IQCK: variants seen among roughly 807,000 people sequenced by gnomAD.
IQCK encodes IQ motif containing K.
Under a neutral mutation model 28.1 loss-of-function variants are expected in IQCK, and 29 were observed. The observed-to-expected ratio is 1.03, with a 90% CI of 0.77 to 1.41. The LOEUF (loss-of-function observed/expected upper bound fraction) is 1.41, where lower values mean the gene tolerates loss of function less well. Among genes scored for constraint, IQCK ranks in the 40% most tolerant of loss-of-function variants. The pLI, the probability that IQCK is intolerant of heterozygous loss-of-function variation, is 0.00. For missense variants in IQCK, 359 were observed against 314.7 expected (o/e 1.14, Z -1.07); for synonymous variants, 113 against 115.1 (o/e 0.98, Z 0.12).
intron 4 of IQCK, among the ~76,000 whole-genome samples, chr16:19,748,631 C>T (rs950651637): frequency 1.3e-5 from 2 of 152,096 alleles, no homozygotes; most frequent in African/African-American, 4.8e-5. Context: ...GTGCTATTCC[C>T]CATGGCCTCT....
At chr16:19,722,987 C>T (rs1977542862) in intron 1 of IQCK, among the ~76,000 whole-genome samples, 1 of 152,216 alleles carries the variant, frequency 6.6e-6, no homozygotes, top group Non-Finnish European at 1.5e-5. Context: ...GCTGGGATTA[C>T]AGGCGTGAGC....
chr16:19,751,877 A>G (rs2054991607), intron 4 of IQCK, among the ~76,000 whole-genome samples: 1 of 152,156 alleles, frequency 6.6e-6, no homozygotes, highest in East Asian at 1.9e-4. Context: ...GACCTTTCTG[A>G]TCTTCCGATT....
chr16:19,745,404 C>T (rs1424356736), intron 4 of IQCK, among the ~76,000 whole-genome samples: 2 of 152,082 alleles, frequency 1.3e-5, no homozygotes, highest in East Asian at 3.9e-4. Flanking sequence ...ATGTTTGGGG[C>T]AGAGTGAGCA....
intron 9 of IQCK, among the ~76,000 whole-genome samples, chr16:19,835,343 T>C (rs1160181682): frequency 6.6e-6 from 1 of 152,158 alleles, no homozygotes; most frequent in Non-Finnish European, 1.5e-5. Context: ...ATATATGCTG[T>C]ACTGTAACTG....
intron 6 of IQCK, among the ~76,000 whole-genome samples, chr16:19,765,221 C>CAA (rs756571642): frequency 6.4e-5 from 4 of 62,926 alleles, no homozygotes; most frequent in East Asian, 1.0e-3. Flanking sequence ...GACTCCATCT[C>CAA]AAAAAAAAAA....
chr16:19,808,302 C>G lies in IQCK; in HGVS notation c.691-18724C>G, dbSNP rs959292528. On this transcript the variant is annotated intron_variant, in intron 7 of 7. Coordinates refer to ENST00000564186, the Ensembl canonical transcript of IQCK. ...TTTCCTTAATATGCCCAGAAAATGT[C>G]TTGCCAACTTGCCAGGCTATCAGCA... 2.0e-5 allele frequency among the ~76,000 whole-genome samples: 3 copies of G among 152,288 alleles called. No individual in the cohort carries two copies. In the East Asian group the frequency reaches 5.8e-4, roughly 29 times the overall value.
chr16:19,730,493 C>G lies in IQCK; in HGVS notation c.245C>G (p.Thr82Arg), dbSNP rs148116811. The change falls in exon 2 of 8, where the codon ACG becomes AGG. Residue 82 changes from threonine to arginine, a missense_variant and splice_region_variant. By Grantham distance (71) the Thr-to-Arg change is moderately conservative (BLOSUM62 -1). Coordinates refer to ENST00000564186, the Ensembl canonical transcript of IQCK. ...AAAGTCAAACAGGAGCCTGTGATTACGGTGAGTATTACCTAGGCCTCAACC... is the reference window on the plus strand; with the variant it reads ...AAAGTCAAACAGGAGCCTGTGATTAGGGTGAGTATTACCTAGGCCTCAACC... The G allele has an allele frequency of 4.4e-5, 71 of 1,604,756 alleles. No homozygotes were observed. Among genetic ancestry groups the G allele is most frequent in the Non-Finnish European group, 5.9e-5 (69 of 1,174,914 alleles).
chr16:19,840,667 C>A (rs2056353963), intron 9 of IQCK, among the ~76,000 whole-genome samples: 1 of 152,266 alleles, frequency 6.6e-6, no homozygotes, highest in South Asian at 2.1e-4. Context: ...GCTATGGTCT[C>A]CATTTTATAG....
At chr16:19,736,288 G>T (rs1425626421) in intron 4 of IQCK, 2 of 411,356 alleles carry the variant, frequency 4.9e-6, no homozygotes, top group Non-Finnish European at 9.7e-6. Flanking sequence ...TTTTGAGACA[G>T]GGTCTTGCTC....
At chr16:19,831,231 A>G (rs753835506), downstream of IQCK, among the ~76,000 whole-genome samples, 2 of 152,240 alleles carry the variant, frequency 1.3e-5, no homozygotes, top group African/African-American at 2.4e-5. Context: ...TCTCAGACCC[A>G]GCTTCTCAGG....
chr16:19,768,434 T>C (rs1597540683), intron 6 of IQCK, among the ~76,000 whole-genome samples: 2 of 152,174 alleles, frequency 1.3e-5, no homozygotes, highest in East Asian at 3.8e-4. Context: ...GCTTTTGGGA[T>C]AGATAAACCA....
At chr16:19,845,379 G>T (rs573138202) in intron 9 of IQCK, among the ~76,000 whole-genome samples, 1 of 152,334 alleles carries the variant, frequency 6.6e-6, no homozygotes, top group African/African-American at 2.4e-5. Context: ...CATTCAGAAT[G>T]CCTGGGATAT....
intron 9 of IQCK, among the ~76,000 whole-genome samples, chr16:19,850,643 C>T (rs193034601): frequency 3.9e-5 from 6 of 152,174 alleles, no homozygotes; most frequent in South Asian, 2.1e-4. Context: ...TCTCGTGGTT[C>T]GTACAATTTC....
intron 6 of IQCK, among the ~76,000 whole-genome samples, chr16:19,785,587 T>C (rs771673878): frequency 7.9e-5 from 12 of 152,198 alleles, no homozygotes; most frequent in Non-Finnish European, 1.0e-4. Context: ...CCACAACCAA[T>C]CAGACTGATT....
intron 7 of IQCK, among the ~76,000 whole-genome samples, chr16:19,792,831 G>A (rs751933125): frequency 8.8e-6 from 1 of 114,272 alleles, no homozygotes; most frequent in East Asian, 2.2e-4. Flanking sequence ...CACCTGCCTC[G>A]GCTTCCCAAA....
At chr16:19,805,014 G>A (rs2055816129) in intron 7 of IQCK, among the ~76,000 whole-genome samples, 1 of 152,144 alleles carries the variant, frequency 6.6e-6, no homozygotes, top group South Asian at 2.1e-4. Context: ...TTTCCAGAGA[G>A]GGGCGTCTCC....
chr16:19,768,833 G>A (rs557180157), intron 6 of IQCK, among the ~76,000 whole-genome samples: 1 of 152,284 alleles, frequency 6.6e-6, no homozygotes, highest in South Asian at 2.1e-4. Flanking sequence ...ATCTATTACT[G>A]TGTAACAAAT....
At chr16:19,831,854 C>A (rs1301341321), downstream of IQCK, among the ~76,000 whole-genome samples, 2 of 151,966 alleles carry the variant, frequency 1.3e-5, no homozygotes, top group Middle Eastern at 3.2e-3. Flanking sequence ...GAATTGTGGT[C>A]ATATATAGCC....
chr16:19,732,230 T>TA (rs1977863064), intron 2 of IQCK, among the ~76,000 whole-genome samples: 1 of 152,236 alleles, frequency 6.6e-6, no homozygotes, highest in African/African-American at 2.4e-5. Context: ...CTCTGCTAGT[T>TA]ACCTAGGTAT....
Sources: allele counts gnomAD v4.1 joint callset (sites outside exome capture counted in the v4.1 genomes callset), GRCh38; gene constraint gnomAD v4.1.1; transcripts MANE v1.5; gene names NCBI Gene and HGNC (gene_info 2026-07-23, HGNC 2026-07-21).